TRIP11: variants seen among roughly 807,000 people sequenced by gnomAD.
TRIP11 encodes thyroid hormone receptor interactor 11.
In TRIP11, 148 loss-of-function variants were observed where a neutral mutation model predicts 223.1. The ratio of observed to expected loss-of-function variants is 0.66; its 90% CI spans 0.58 to 0.76. The LOEUF is 0.76. TRIP11 is among the 30% of genes least tolerant of loss of function. The pLI is 0.00. For missense variants in TRIP11, 2,043 were observed against 2,222.0 expected (o/e 0.92, Z 1.62); for synonymous variants, 762 against 772.6 (o/e 0.99, Z 0.23).
At chr14:92,039,009 G>A (rs143808442) in intron 1 of TRIP11, among the ~76,000 whole-genome samples, 40 of 152,068 alleles carry the variant, frequency 2.6e-4, no homozygotes, top group African/African-American at 8.7e-4. Flanking sequence ...ATTCTCAGCT[G>A]GAACGCTATA....
At chr14:91,972,384 G>A (rs1445983333) in intron 20 of TRIP11, among the ~76,000 whole-genome samples, 2 of 152,190 alleles carry the variant, frequency 1.3e-5, no homozygotes, top group Non-Finnish European at 2.9e-5. Flanking sequence ...AAAGCAGGTG[G>A]CCAAGAAAGA....
At chr14:91,988,652 AAGT>A (rs1390234869) in intron 15 of TRIP11, among the ~76,000 whole-genome samples, 2 of 147,170 alleles carry the variant, frequency 1.4e-5, no homozygotes, top group Non-Finnish European at 3.0e-5. Context: ...AAAAAAAAAA[AAGT>A]AACAACATAA....
In TRIP11 at chr14:91,972,875, T is replaced by C; in HGVS notation, c.5575-14A>G. ...TTCTGAAAAAGACTAAGAAAAAATA[T>C]TTTGGTTATATTAGGCTAGATAATT... is the stretch of plus-strand genomic sequence containing the variant. On this transcript the variant is annotated splice_polypyrimidine_tract_variant and intron_variant, in intron 19 of 20. Transcript: ENST00000267622. The C allele has an allele frequency of 6.2e-7, 1 of 1,603,922 alleles. No individual in the cohort carries two copies. Among genetic ancestry groups the C allele is most frequent in the Non-Finnish European group, 8.5e-7 (1 of 1,173,908 alleles).
rs1264698459 is a variant in TRIP11 at position 91,978,547 on chromosome 14, CCCAGGCTGTGG to C, written c.5261-2369_5261-2359del. On this transcript the variant is annotated intron_variant, in intron 16 of 20. Coordinates refer to ENST00000267622, the MANE Select transcript of TRIP11 (RefSeq NM_004239.4). This position sits in a 1 kb window ranked among gnomAD's most constrained non-coding sequence, Gnocchi z 4.4. ...TTTGAGACAGGGTCTTGCTCTGTTG[CCCAGGCTGTGG>C]CATGATCACAGCTCACTGCAGCCTC... 6.6e-6 allele frequency among the ~76,000 whole-genome samples: 1 copy of C among 152,042 alleles called. No individual in the cohort carries two copies. Among genetic ancestry groups the C allele is most frequent in the Non-Finnish European group, 1.5e-5 (1 of 68,004 alleles).
At chr14:92,025,242 C>G in intron 3 of TRIP11, 68 bp downstream of exon 3, 1 of 1,212,882 alleles carries the variant, frequency 8.2e-7, no homozygotes, top group East Asian at 2.4e-5. Flanking sequence ...GATTTATATT[C>G]TAACTCTAAA....
At chr14:91,981,008 A>ATTTTTTTTTTTTTTTTTTTTTT (rs1211000138) in intron 16 of TRIP11, among the ~76,000 whole-genome samples, 1 of 78,326 alleles carries the variant, frequency 1.3e-5, no homozygotes, top group Non-Finnish European at 2.3e-5. Context: ...ATATATATAT[A>ATTTTTTTTTTTTTTTTTTTTTT]TATATTTTTT....
chr14:91,978,580 C>T lies in TRIP11; in HGVS notation c.5261-2391G>A, dbSNP rs1239644784. Among the ~76,000 whole-genome samples, 1 of 152,072 alleles carries T rather than the reference C, an allele frequency of 6.6e-6. No individual in the cohort carries two copies. The highest frequency in any genetic ancestry group is 2.4e-5 in the African/African-American group (1 of 41,400). ...GTGGCATGATCACAGCTCACTGCAG[C>T]CTCAAACTCCTGGGGTCAAGCCATC... On this transcript the variant is annotated intron_variant, in intron 16 of 20. Coordinates refer to ENST00000267622, the MANE Select transcript of TRIP11 (RefSeq NM_004239.4). The surrounding 1 kb of genome is among the most constrained non-coding windows in gnomAD (Gnocchi z 4.4).
rs766475315 is a variant in TRIP11, at chr14:92,004,071, T to C, written c.3905A>G (p.Lys1302Arg). Residue 1302 changes from lysine (K) to arginine (R), a missense_variant, in exon 11 of 21, where the codon AAG (lysine) becomes AGG (arginine). Transcript: ENST00000267622. ...ATCAAGTTTTCCTAAAAGAAGATCC[T>C]TGGTATTGCAAAGCTGCCCAATGCT... is the stretch of plus-strand genomic sequence containing the variant. ...QHSIGQLCNT[K>R]DLLLGKLDII... 1 of 1,614,224 alleles carries C rather than the reference T, an allele frequency of 6.2e-7. No individual in the cohort carries two copies. The highest frequency in any genetic ancestry group is 8.5e-7 in the Non-Finnish European group (1 of 1,180,044).
intron 6 of TRIP11, among the ~76,000 whole-genome samples, chr14:92,014,830 C>A (rs560072607): frequency 6.6e-6 from 1 of 152,116 alleles, no homozygotes; most frequent in Non-Finnish European, 1.5e-5. Context: ...AGTATCATCA[C>A]CAAACAATGC....
At chr14:91,990,719 G>A (rs1339058387) in intron 15 of TRIP11, among the ~76,000 whole-genome samples, 1 of 152,212 alleles carries the variant, frequency 6.6e-6, no homozygotes, top group Non-Finnish European at 1.5e-5. Flanking sequence ...GCTCACGCCT[G>A]TAATTCCAAC....
intron 9 of TRIP11, among the ~76,000 whole-genome samples, chr14:92,009,934 CTACTT>C (rs2056950809): frequency 6.6e-6 from 1 of 152,162 alleles, no homozygotes; most frequent in Non-Finnish European, 1.5e-5. Context: ...AAAAGATACT[CTACTT>C]GTACTATCCG....
chr14:92,015,607 G>A (rs1037643115), intron 6 of TRIP11, 89 bp downstream of exon 6: 33 of 1,146,152 alleles, frequency 2.9e-5, no homozygotes, highest in East Asian at 1.6e-4. Flanking sequence ...GCAGTGAGCC[G>A]AGATCGCGCC....
chr14:91,980,327 A>T (rs538579707), intron 16 of TRIP11, among the ~76,000 whole-genome samples: 1 of 152,208 alleles, frequency 6.6e-6, no homozygotes, highest in Non-Finnish European at 1.5e-5. Flanking sequence ...AGTCATTTGG[A>T]TATTTCATGA....
At chr14:92,030,489 G>A (rs1403305395) in intron 2 of TRIP11, 1 of 152,132 alleles carries the variant, frequency 6.6e-6, no homozygotes, top group Non-Finnish European at 1.5e-5. Context: ...CCAGGTTCAA[G>A]TGATTCTCCT....
intron 3 of TRIP11, among the ~76,000 whole-genome samples, chr14:92,023,751 C>T (rs1053439392): frequency 2.0e-5 from 3 of 152,052 alleles, no homozygotes; most frequent in East Asian, 3.9e-4. Flanking sequence ...GGTCCACAGA[C>T]GAATGCAGTT....
intron 16 of TRIP11, among the ~76,000 whole-genome samples, chr14:91,981,808 A>G (rs1020099985): frequency 6.6e-6 from 1 of 152,196 alleles, no homozygotes. Context: ...CTGCTGAGTG[A>G]AAAGTATCTT....
chr14:92,017,008 AAAT>A (rs2057042809), intron 5 of TRIP11, among the ~76,000 whole-genome samples: 1 of 152,244 alleles, frequency 6.6e-6, no homozygotes, highest in Admixed American at 6.5e-5. Context: ...CGCTAAGGTA[AAAT>A]AAGTATTTCC....
chr14:92,032,172 G>C (rs1263379081), intron 2 of TRIP11, among the ~76,000 whole-genome samples: 1 of 151,774 alleles, frequency 6.6e-6, no homozygotes, highest in African/African-American at 2.4e-5. Context: ...TTTTTGGATG[G>C]AGTTTTTCTC....
rs2057365017 is a variant in TRIP11, at chr14:92,039,795, A to G, written c.-110T>C. 5.8e-6 allele frequency: 9 copies of G among 1,548,138 alleles called. No individual in the cohort carries two copies. Among genetic ancestry groups the G allele is most frequent in the Admixed American group, 3.9e-5 (2 of 50,856 alleles). On this transcript the variant is annotated 5_prime_UTR_variant, in exon 1 of 21. Transcript: ENST00000267622. ...AACGCCTGCCTTCGCGAGACAGGAT[A>G]CGATAACACAAAGCTGGGTTCTCAG...
Sources: allele counts gnomAD v4.1 joint callset (sites outside exome capture counted in the v4.1 genomes callset), GRCh38; gene constraint gnomAD v4.1.1; non-coding constraint Gnocchi (gnomAD v3.1); transcripts MANE v1.5; gene names NCBI Gene and HGNC (gene_info 2026-07-23, HGNC 2026-07-21).